Variants in ABCC2 observed in about 807,000 individuals in gnomAD.
The protein encoded by ABCC2 is ATP binding cassette subfamily C member 2.
A neutral mutation model predicts 173.4 loss-of-function variants in ABCC2; 157 were observed. The ratio of observed to expected loss-of-function variants is 0.91; its 90% CI spans 0.80 to 1.03. The LOEUF is 1.03. Among genes scored for constraint, ABCC2 ranks in the 50% least tolerant of loss-of-function variants. The pLI, the probability that ABCC2 is intolerant of heterozygous loss-of-function variation, is 0.00. For missense variants in ABCC2, 1,822 were observed against 1,852.3 expected, an observed-to-expected ratio of 0.98 and a Z score of 0.30; for synonymous variants, 657 against 693.5, an observed-to-expected ratio of 0.95 and a Z score of 0.83.
chr10:99,831,682 G>C lies in ABCC2; in HGVS notation c.2955G>C (p.Ala985=), dbSNP rs139082536. The change falls in exon 22 of 32, where the codon GCG becomes GCC. Residue 985 remains alanine, a synonymous_variant. Transcript: ENST00000647814. ...TTTCGATATTCTTCATCATCCTTGC[G>C]TTTGTGATGAATTCTGTGGCTTTTA... The part of the protein sequence containing the change: ...GLFSIFFIIL[A]FVMNSVAFIG... 6.2e-7 allele frequency: 1 copy of C among 1,614,058 alleles called. No homozygotes were observed. Among genetic ancestry groups the C allele is most frequent in the African/African-American group, 1.3e-5 (1 of 74,912 alleles).
At chr10:99,841,396 T>C (rs1387193040) in intron 25 of ABCC2, among the ~76,000 whole-genome samples, 7 of 151,722 alleles carry the variant, frequency 4.6e-5, no homozygotes, top group Non-Finnish European at 1.0e-4. Flanking sequence ...CTACAAAAAA[T>C]ACAAAAAAAT....
chr10:99,794,850 AT>A (rs2037871820), intron 6 of ABCC2, among the ~76,000 whole-genome samples: 1 of 152,048 alleles, frequency 6.6e-6, no homozygotes, highest in Non-Finnish European at 1.5e-5. Context: ...CGAAAGATTA[AT>A]TTTTTAAAAA....
intron 16 of ABCC2, among the ~76,000 whole-genome samples, chr10:99,814,744 T>TAC (rs2133066085): frequency 7.1e-6 from 1 of 141,234 alleles, no homozygotes; most frequent in South Asian, 2.2e-4. Context: ...TATGTGTATA[T>TAC]GTATGTATAT....
At chr10:99,848,918 C>G (rs1244217943) in intron 30 of ABCC2, among the ~76,000 whole-genome samples, 2 of 152,156 alleles carry the variant, frequency 1.3e-5, no homozygotes, top group Non-Finnish European at 2.9e-5. Context: ...TTCAAACATT[C>G]AGTCAGCAAA....
At position 99,797,268 on chromosome 10, in the gene ABCC2, C is replaced by G; in HGVS notation, c.804C>G (p.Asn268Lys). The change falls in exon 7 of 32, where the codon AAC becomes AAG. Residue 268 changes from asparagine to lysine, a missense_variant. Coordinates refer to ENST00000647814, the MANE Select transcript of ABCC2 (RefSeq NM_000392.5). ...GGCAGGAGAAGAGCTCCCAGCAGAA[C>G]TCTGGAGCCAGGCTGCCTGGCTTGA... ...QRRQEKSSQQ[N>K]SGARLPGLNK... 6.2e-6 allele frequency: 10 copies of G among 1,614,030 alleles called. No homozygotes were observed. The highest frequency in any genetic ancestry group is 1.3e-5 in the African/African-American group (1 of 75,030).
intron 2 of ABCC2, among the ~76,000 whole-genome samples, chr10:99,788,244 T>C (rs1054802748): frequency 6.6e-6 from 1 of 152,214 alleles, no homozygotes; most frequent in Admixed American, 6.5e-5. Context: ...CCATATGTGC[T>C]TTTCTGTGTC....
At position 99,851,559 on chromosome 10, in the gene ABCC2, A is replaced by G. The variant is rs773138110; in HGVS notation, c.4566A>G (p.Leu1522=). 3.7e-6 allele frequency: 6 copies of G among 1,614,074 alleles called. No individual in the cohort carries two copies. The Admixed American group carries it at 1.0e-4, about 27-fold the overall frequency. The change falls in exon 32 of 32, where the codon CTA becomes CTG. Residue 1522 remains leucine (L), a synonymous_variant. Coordinates refer to ENST00000647814, the MANE Select transcript of ABCC2 (RefSeq NM_000392.5). ...IIECGSPEEL[L]QIPGPFYFMA... is the part of the protein sequence containing the mutation. ...AGTGCGGCAGCCCTGAAGAACTGCTACAAATCCCTGGACCCTTTTACTTTA... is the reference window on the plus strand; with the variant it reads ...AGTGCGGCAGCCCTGAAGAACTGCTGCAAATCCCTGGACCCTTTTACTTTA...
chr10:99,807,489 G>C lies in ABCC2; in HGVS notation c.1636G>C (p.Val546Leu). The change falls in exon 12 of 32, where the codon GTA becomes CTA. Residue 546 changes from valine (V) to leucine (L), a missense_variant. Physicochemically the swap from Val to Leu is conservative, Grantham distance 32. Transcript: ENST00000647814. ...GGCCTTTAGTCAACTACAGTGTGTAGTAATATTCGTCTTCCAGTTAACTCC... is the reference window on the plus strand; with the variant it reads ...GGCCTTTAGTCAACTACAGTGTGTACTAATATTCGTCTTCCAGTTAACTCC... ...LLAFSQLQCV[V>L]IFVFQLTPVL... is the part of the protein sequence containing the mutation. The C allele has an allele frequency of 6.2e-7, 1 of 1,614,162 alleles. No individual in the cohort carries two copies. The highest frequency in any genetic ancestry group is 8.5e-7 in the Non-Finnish European group (1 of 1,179,996).
intron 15 of ABCC2, among the ~76,000 whole-genome samples, chr10:99,811,806 C>T (rs113499360): frequency 3.3e-5 from 5 of 152,322 alleles, no homozygotes; most frequent in African/African-American, 1.2e-4. Flanking sequence ...ATTTGCCATG[C>T]TGCTTTCCTA....
In ABCC2 at chr10:99,788,066, CA is replaced by C. The variant is rs59849924; in HGVS notation, c.207+3296del. 1.1e-3 allele frequency among the ~76,000 whole-genome samples: 165 copies of C among 147,096 alleles called. 3 individuals carry two copies. In the East Asian group the frequency reaches 0.021, roughly 19 times the overall value. On this transcript the variant is annotated intron_variant, in intron 2 of 31. Transcript: ENST00000647814. Reference sequence around the variant, plus strand: ...TGGGCGACAGAGGTAGACCCTGTCTCAAAAAAAAAAAGAAAAAAAAGGACAA... The same window carrying C: ...TGGGCGACAGAGGTAGACCCTGTCTCAAAAAAAAAAGAAAAAAAAGGACAA...
At chr10:99,811,375 G>A (rs1256282794) in intron 14 of ABCC2, among the ~76,000 whole-genome samples, 161 bp from the exon 15 acceptor site, 3 of 151,988 alleles carry the variant, frequency 2.0e-5, no homozygotes, top group East Asian at 1.9e-4. Flanking sequence ...CTGGTCTCAT[G>A]GTCTCATTCT....
chr10:99,784,060 T>A (rs189746402), intron 1 of ABCC2, among the ~76,000 whole-genome samples: 4 of 135,540 alleles, frequency 3.0e-5, no homozygotes, highest in Admixed American at 1.8e-4. Flanking sequence ...GCACAAAACT[T>A]GCTGGTTGGA....
intron 19 of ABCC2, among the ~76,000 whole-genome samples, chr10:99,823,532 A>G (rs200901485): frequency 2.3e-4 from 32 of 136,270 alleles, no homozygotes; most frequent in East Asian, 6.8e-4. Flanking sequence ...GTTGGTCAAA[A>G]TCTTGTAACA....
intron 17 of ABCC2, among the ~76,000 whole-genome samples, chr10:99,818,168 A>G (rs1337940747): frequency 6.6e-6 from 1 of 151,944 alleles, no homozygotes; most frequent in Non-Finnish European, 1.5e-5. Context: ...AGTTGCAGTG[A>G]GCTGAGATTG....
chr10:99,791,225 T>C (rs1444761241), intron 2 of ABCC2, among the ~76,000 whole-genome samples: 1 of 151,974 alleles, frequency 6.6e-6, no homozygotes, highest in Non-Finnish European at 1.5e-5. Flanking sequence ...CTGGCCAACA[T>C]GGTAAAATCC....
intron 2 of ABCC2, among the ~76,000 whole-genome samples, chr10:99,786,436 C>T (rs1169496794): frequency 3.3e-5 from 5 of 152,190 alleles, no homozygotes; most frequent in African/African-American, 1.2e-4. Flanking sequence ...TGGGAGGCTT[C>T]TTCTACTTTC....
intron 19 of ABCC2, among the ~76,000 whole-genome samples, chr10:99,827,869 A>G (rs2038671717): frequency 7.1e-6 from 1 of 141,686 alleles, no homozygotes; most frequent in Non-Finnish European, 1.5e-5. Context: ...CTGACTGTAT[A>G]TGTACTCGGG....
At position 99,813,169 on chromosome 10, in the gene ABCC2, G is replaced by A. The variant is rs778536612; in HGVS notation, c.2094+25G>A. ...GGTGAGAGGGAATGCCAATGCAAAA[G>A]CCTCTGACTCCCGAATGTCAGCAGC... On this transcript the variant is annotated intron_variant, in intron 16 of 31. Transcript: ENST00000647814. The A allele has an allele frequency of 1.9e-6, 3 of 1,611,598 alleles. No homozygotes were observed. In the East Asian group the frequency reaches 6.7e-5, roughly 36 times the overall value.
At chr10:99,829,551 TATTTTA>T (rs1262881814) in intron 19 of ABCC2, among the ~76,000 whole-genome samples, 1 of 18,826 alleles carries the variant, frequency 5.3e-5, no homozygotes, top group African/African-American at 2.9e-4. Context: ...TCTTATATTT[TATTTTA>T]TTTTATTTTC....
Sources: allele counts gnomAD v4.1 joint callset (sites outside exome capture counted in the v4.1 genomes callset), GRCh38; gene constraint gnomAD v4.1.1; transcripts MANE v1.5; gene names NCBI Gene and HGNC (gene_info 2026-07-23, HGNC 2026-07-21).